The following ZSCAN25 variants were observed in gnomAD, a reference collection of about 807,000 sequenced individuals.
ZSCAN25 encodes the protein zinc finger and SCAN domain containing 25, also known as zinc finger and SCAN domain-containing protein 25.
ZSCAN25 carries 27 observed loss-of-function variants against 38.7 expected under a neutral mutation model. The ratio of observed to expected loss-of-function variants is 0.70; its 90% confidence interval spans 0.51 to 0.96. The LOEUF (loss-of-function observed/expected upper bound fraction) is 0.96, where lower values mean the gene tolerates loss of function less well. ZSCAN25 is among the 40% of genes least tolerant of loss of function. The pLI is 0.00. For missense variants in ZSCAN25, 637 were observed against 705.9 expected (o/e 0.90, Z 1.11); for synonymous variants, 273 against 277.7 (o/e 0.98, Z 0.17).
At chr7:99,711,867 T>TG in the ZSCAN25 span, among the ~76,000 whole-genome samples, 1 of 152,132 alleles carries the variant, frequency 6.6e-6, no homozygotes, top group East Asian at 1.9e-4. Flanking sequence ...TTTCACAAGA[T>TG]GTGGTAATTT....
At chr7:99,655,960 C>G in the ZSCAN25 span, among the ~76,000 whole-genome samples, 10 of 152,170 alleles carry the variant, frequency 6.6e-5, no homozygotes, top group Admixed American at 1.3e-4. Flanking sequence ...AGTTGTTTAT[C>G]AGCTTAAGGA....
At chr7:99,655,994 T>C in the ZSCAN25 span, among the ~76,000 whole-genome samples, 291 of 152,158 alleles carry the variant, frequency 1.9e-3, no homozygotes, top group Non-Finnish European at 3.4e-3. Context: ...GACGATGGGG[T>C]TTTCTAGATA....
the ZSCAN25 span, among the ~76,000 whole-genome samples, chr7:99,644,746 C>T: frequency 6.6e-6 from 1 of 152,196 alleles, no homozygotes; most frequent in Non-Finnish European, 1.5e-5. Flanking sequence ...GCATGTTCTT[C>T]ACTCACAGAA....
chr7:99,635,644 A>C (rs1808244169), downstream of ZSCAN25, among the ~76,000 whole-genome samples: 1 of 152,218 alleles, frequency 6.6e-6, no homozygotes, highest in African/African-American at 2.4e-5. Context: ...AACATTCAAT[A>C]ATAGCAATCA....
At chr7:99,729,783 C>A in the ZSCAN25 span, among the ~76,000 whole-genome samples, 2 of 152,152 alleles carry the variant, frequency 1.3e-5, no homozygotes, top group East Asian at 3.8e-4. Context: ...TAACTTTCCA[C>A]TGCTTACCCC....
chr7:99,667,054 T>G, the ZSCAN25 span: 1 of 1,613,868 alleles, frequency 6.2e-7, no homozygotes. Flanking sequence ...TAAATCCCAC[T>G]GGGCCTAAAG....
rs142601774 is a variant in ZSCAN25, at chr7:99,619,888, G to C, written c.282G>C (p.Leu94=). ...LLVLEQFLTI[L]PREFYAWIRE... ...TGCTGGAGCAGTTCCTCACTATCCT[G>C]CCCCGCGAGTTCTACGCCTGGATCC... The change falls in exon 4 of 8, where the codon CTG becomes CTC. Residue 94 remains leucine, a synonymous_variant. Transcript: ENST00000394152. The C allele has an allele frequency of 6.2e-7, 1 of 1,614,250 alleles. No homozygotes were observed. Among genetic ancestry groups the C allele is most frequent in the Admixed American group, 1.7e-5 (1 of 60,032 alleles).
At chr7:99,737,365 G>A in the ZSCAN25 span, among the ~76,000 whole-genome samples, 7 of 152,060 alleles carry the variant, frequency 4.6e-5, no homozygotes, top group South Asian at 1.2e-3. Context: ...GTTGAGATTC[G>A]TGTTCCTGTC....
the ZSCAN25 span, chr7:99,720,651 C>CA: frequency 2.2e-6 from 1 of 453,802 alleles, no homozygotes; most frequent in Admixed American, 3.4e-5. Flanking sequence ...GATTGAAAGA[C>CA]AAAAGAGCTC....
Position 99,630,602 on chromosome 7 carries a change from C to T in ZSCAN25, c.*582C>T, listed in dbSNP as rs141037110. On this transcript the variant is annotated 3_prime_UTR_variant, in exon 8 of 8. Coordinates refer to ENST00000394152, the MANE Select transcript of ZSCAN25 (RefSeq NM_145115.3). The stretch of plus-strand genomic sequence containing the variant: ...TATCTGTGCTGTGTGCCCGTGAGAA[C>T]ATCTTCCCATGACCACTCCTGCCCT... The T allele has an allele frequency of 9.3e-5, 92 of 986,348 alleles. 1 individual carries two copies. In the African/African-American group the frequency reaches 1.5e-3, roughly 16 times the overall value. 61.1% of individuals were successfully genotyped at this position (986,348 alleles called of 1,614,324 possible).
At chr7:99,624,878 C>T (rs549057277) in intron 7 of ZSCAN25, among the ~76,000 whole-genome samples, 3 of 152,320 alleles carry the variant, frequency 2.0e-5, no homozygotes, top group Non-Finnish European at 4.4e-5. Flanking sequence ...TATGGAGAGT[C>T]TGCATGCGTG....
chr7:99,633,235 T>G (rs1042061201), downstream of ZSCAN25, among the ~76,000 whole-genome samples: 1 of 151,046 alleles, frequency 6.6e-6, no homozygotes, highest in Non-Finnish European at 1.5e-5. Context: ...AATGTAGAAG[T>G]GTTTAGTGGT....
At chr7:99,656,476 G>A in the ZSCAN25 span, among the ~76,000 whole-genome samples, 5 of 152,046 alleles carry the variant, frequency 3.3e-5, no homozygotes, top group African/African-American at 1.2e-4. Context: ...TGCTGGATTC[G>A]GTTTGCCAGT....
At chr7:99,709,479 G>A in the ZSCAN25 span, among the ~76,000 whole-genome samples, 86 of 152,196 alleles carry the variant, frequency 5.7e-4, 1 homozygote, top group South Asian at 9.3e-3. Flanking sequence ...GGAGACATTC[G>A]GGAAGGCTCT....
chr7:99,668,312 C>T, the ZSCAN25 span, among the ~76,000 whole-genome samples: 4,833 of 152,132 alleles, frequency 0.032, 242 homozygotes, highest in African/African-American at 0.11. Context: ...ACTATATTCA[C>T]GGGATGAAAG....
chr7:99,654,408 A>G, the ZSCAN25 span, among the ~76,000 whole-genome samples: 2 of 152,328 alleles, frequency 1.3e-5, no homozygotes, highest in African/African-American at 4.8e-5. Context: ...AAAGGACATG[A>G]ACTCATCATT....
chr7:99,705,346 G>C, the ZSCAN25 span: 2 of 824,384 alleles, frequency 2.4e-6, no homozygotes, highest in African/African-American at 3.4e-5. Flanking sequence ...GACCATGAGA[G>C]AGCACAATGC....
the ZSCAN25 span, among the ~76,000 whole-genome samples, chr7:99,656,379 A>G: frequency 6.6e-6 from 1 of 152,206 alleles, no homozygotes; most frequent in Non-Finnish European, 1.5e-5. Flanking sequence ...ATGCTGGATT[A>G]TGTTTATTGA....
chr7:99,714,698 A>G, the ZSCAN25 span: 46,887 of 1,609,706 alleles, frequency 0.029, 766 homozygotes, highest in Middle Eastern at 0.053. Context: ...GAAAAAAAAA[A>G]CCAACAGAAA....
Sources: gnomAD v4.1 joint callset for allele counts (sites outside exome capture counted in the v4.1 genomes callset) on GRCh38, gnomAD v4.1.1 for gene constraint, MANE v1.5 for transcripts, NCBI Gene and HGNC (gene_info 2026-07-23, HGNC 2026-07-21) for gene names.